MAN1A2: variants seen among roughly 807,000 people sequenced by gnomAD.
The protein encoded by MAN1A2 is mannosyl-oligosaccharide 1,2-alpha-mannosidase IB.
Under a neutral mutation model 75.7 loss-of-function variants are expected in MAN1A2, and 26 were observed. The observed-to-expected ratio is 0.34, with a 90% CI of 0.25 to 0.48. The LOEUF is 0.48. Among genes scored for constraint, MAN1A2 ranks in the 20% least tolerant of loss-of-function variants. The probability of loss-of-function intolerance (pLI) is 0.99; values close to 1 mark genes in which losing one functional copy is unlikely to be tolerated. For synonymous variants in MAN1A2, 247 were observed against 264.6 expected, an observed-to-expected ratio of 0.93 and a Z score of 0.65; for missense variants, 562 against 775.5, an observed-to-expected ratio of 0.72 and a Z score of 3.27.
rs1009022496 is a variant in MAN1A2 at position 117,391,357 on chromosome 1, T to A, written c.303-10829T>A. Among the ~76,000 whole-genome samples, 2 of 152,224 alleles carry A rather than the reference T, an allele frequency of 1.3e-5. 1 individual carries two copies. Among genetic ancestry groups the A allele is most frequent in the Admixed American group, 1.3e-4 (2 of 15,284 alleles). ...TTTATGTCCTTATTGATTTTCCTTCTATTTTGATCAGTTATTGAGTGAAGG... is the reference window on the plus strand; with the variant it reads ...TTTATGTCCTTATTGATTTTCCTTCAATTTTGATCAGTTATTGAGTGAAGG... On this transcript the variant is annotated intron_variant, in intron 1 of 12. Transcript: ENST00000356554.
chr1:117,412,674 A>G (rs543681419), intron 3 of MAN1A2, among the ~76,000 whole-genome samples: 289 of 151,874 alleles, frequency 1.9e-3, no homozygotes, highest in Non-Finnish European at 3.1e-3. Flanking sequence ...ATATTTTGCA[A>G]TGTCATGTTT....
At chr1:117,381,198 T>A (rs1653322543) in intron 1 of MAN1A2, among the ~76,000 whole-genome samples, 1 of 152,156 alleles carries the variant, frequency 6.6e-6, no homozygotes, top group Non-Finnish European at 1.5e-5. Context: ...AATTTTTTTT[T>A]ATTATACTTT....
intron 5 of MAN1A2, among the ~76,000 whole-genome samples, chr1:117,431,819 A>G (rs1233541020): frequency 6.6e-6 from 1 of 152,084 alleles, no homozygotes; most frequent in Non-Finnish European, 1.5e-5. Context: ...GTGTGGTAGC[A>G]TGTACCTGTA....
intron 8 of MAN1A2, among the ~76,000 whole-genome samples, chr1:117,481,738 C>T (rs1650502744): frequency 6.6e-6 from 1 of 151,896 alleles, no homozygotes; most frequent in African/African-American, 2.4e-5. Flanking sequence ...GATAGTTCCA[C>T]AAAAAGAAGT....
chr1:117,418,602 G>C (rs932588794), intron 4 of MAN1A2, among the ~76,000 whole-genome samples: 8 of 151,862 alleles, frequency 5.3e-5, no homozygotes, highest in Non-Finnish European at 1.0e-4. Context: ...TTGCTTTGTT[G>C]TTCTGTAATT....
At chr1:117,396,693 A>G (rs1418192475) in intron 1 of MAN1A2, among the ~76,000 whole-genome samples, 6 of 152,200 alleles carry the variant, frequency 3.9e-5, no homozygotes, top group Admixed American at 6.5e-5. Context: ...AGGAAAAGAA[A>G]TAAAGCACAT....
chr1:117,412,483 C>T (rs554472051), intron 3 of MAN1A2, among the ~76,000 whole-genome samples: 2 of 151,398 alleles, frequency 1.3e-5, no homozygotes, highest in South Asian at 4.2e-4. Context: ...CTAATTCATC[C>T]ATTTCTGCCT....
intron 8 of MAN1A2, among the ~76,000 whole-genome samples, chr1:117,492,343 C>CA (rs1330112786): frequency 6.6e-6 from 1 of 152,032 alleles, no homozygotes; most frequent in South Asian, 2.1e-4. Flanking sequence ...CCTCCACCAT[C>CA]AAAAAAGAGT....
chr1:117,462,851 A>G (rs1649863655), intron 7 of MAN1A2, among the ~76,000 whole-genome samples: 1 of 152,158 alleles, frequency 6.6e-6, no homozygotes, highest in African/African-American at 2.4e-5. Context: ...AGATAATGAC[A>G]AATATGAAAC....
intron 5 of MAN1A2, among the ~76,000 whole-genome samples, chr1:117,426,769 A>T (rs1388126652): frequency 6.6e-6 from 1 of 152,206 alleles, no homozygotes; most frequent in Admixed American, 6.5e-5. Flanking sequence ...GAACCATCCT[A>T]AGTCAAACTG....
chr1:117,447,783 G>C (rs1209805477), intron 6 of MAN1A2, among the ~76,000 whole-genome samples: 1 of 151,864 alleles, frequency 6.6e-6, no homozygotes, highest in African/African-American at 2.4e-5. Flanking sequence ...TTGTGTATTA[G>C]CTAGATTAGT....
intron 7 of MAN1A2, among the ~76,000 whole-genome samples, chr1:117,462,317 T>C (rs1649847863): frequency 6.6e-6 from 1 of 152,070 alleles, no homozygotes; most frequent in Non-Finnish European, 1.5e-5. Flanking sequence ...AAATACAAAA[T>C]AGTAATGAAA....
chr1:117,460,934 G>A (rs1017516885), intron 7 of MAN1A2, among the ~76,000 whole-genome samples: 5 of 152,146 alleles, frequency 3.3e-5, no homozygotes, highest in African/African-American at 1.2e-4. Flanking sequence ...TTTAGGAATT[G>A]AAAAGGAGGA....
intron 5 of MAN1A2, among the ~76,000 whole-genome samples, chr1:117,430,609 A>C: frequency 2.1e-5 from 1 of 47,438 alleles, no homozygotes; most frequent in Non-Finnish European, 4.4e-5. Flanking sequence ...ATCTCAGACG[A>C]TGGGCGGCCG....
At chr1:117,452,291 G>C (rs1030705593) in intron 6 of MAN1A2, among the ~76,000 whole-genome samples, 1 of 146,006 alleles carries the variant, frequency 6.8e-6, no homozygotes, top group Non-Finnish European at 1.5e-5. Flanking sequence ...TGGGTGACAA[G>C]AGCAAGACTC....
At chr1:117,407,315 T>TA (rs1647647554) in intron 3 of MAN1A2, among the ~76,000 whole-genome samples, 1 of 152,186 alleles carries the variant, frequency 6.6e-6, no homozygotes, top group Non-Finnish European at 1.5e-5. Flanking sequence ...GTTTCCTACT[T>TA]ACTCTGTTTC....
At chr1:117,519,818 A>G (rs1045193311) in intron 12 of MAN1A2, among the ~76,000 whole-genome samples, 3 of 152,060 alleles carry the variant, frequency 2.0e-5, no homozygotes, top group Non-Finnish European at 4.4e-5. Context: ...AACCCTCCCT[A>G]ATTCATTCTA....
intron 3 of MAN1A2, among the ~76,000 whole-genome samples, chr1:117,407,906 G>A (rs1294706394): frequency 6.6e-6 from 1 of 152,140 alleles, no homozygotes; most frequent in Admixed American, 6.5e-5. Context: ...AGAGAAGAGA[G>A]CACTCGGATG....
chr1:117,444,439 G>A (rs944888743), intron 6 of MAN1A2, among the ~76,000 whole-genome samples: 7 of 149,806 alleles, frequency 4.7e-5, no homozygotes, highest in South Asian at 4.2e-4. Flanking sequence ...TAGATGTAGC[G>A]TTCCTGGATC....
Sources: allele counts gnomAD v4.1 joint callset (sites outside exome capture counted in the v4.1 genomes callset), GRCh38; gene constraint gnomAD v4.1.1; transcripts MANE v1.5; gene names NCBI Gene and HGNC (gene_info 2026-07-23, HGNC 2026-07-21).